The following UGDH variants were observed in gnomAD, a reference collection of about 807,000 sequenced individuals.
UGDH encodes the protein UDP-glucose 6-dehydrogenase.
A neutral mutation model predicts 50.6 loss-of-function variants in UGDH; 38 were observed. The ratio of observed to expected loss-of-function variants is 0.75; its 90% CI spans 0.58 to 0.98. UGDH has a LOEUF of 0.98. Ranked by LOEUF, UGDH falls within the 50% of genes least tolerant of loss-of-function variation. The probability of loss-of-function intolerance (pLI) is 0.00; values close to 1 mark genes in which losing one functional copy is unlikely to be tolerated. For synonymous variants in UGDH, 168 were observed against 199.9 expected, an observed-to-expected ratio of 0.84 and a Z score of 1.35; for missense variants, 465 against 606.2, an observed-to-expected ratio of 0.77 and a Z score of 2.45.
In UGDH at chr4:39,505,279, C is replaced by A; in HGVS notation, c.1129G>T (p.Val377Phe). The change falls in exon 9 of 12, where the codon GTT (valine) becomes TTT (phenylalanine). Residue 377 changes from valine to phenylalanine, a missense_variant. Transcript: ENST00000316423. ...ACACCTGGATGAGAAAGATCCACAACTATTTGTTCCCTAGGTACTTTTGGA... is the reference window on the plus strand; with the variant it reads ...ACACCTGGATGAGAAAGATCCACAAATATTTGTTCCCTAGGTACTTTTGGA... ...YDPKVPREQI[V>F]VDLSHPGVSE... 6.2e-7 allele frequency: 1 copy of A among 1,602,350 alleles called. No individual in the cohort carries two copies. Among genetic ancestry groups the A allele is most frequent in the Non-Finnish European group, 8.5e-7 (1 of 1,176,530 alleles).
intron 1 of UGDH, among the ~76,000 whole-genome samples, chr4:39,525,289 G>C (rs1746829080): frequency 2.0e-5 from 3 of 152,240 alleles, no homozygotes; most frequent in South Asian, 4.1e-4. Context: ...CGTCTCCTGG[G>C]TTCAAGCAAT....
At chr4:39,522,887 C>T (rs539164663) in intron 1 of UGDH, among the ~76,000 whole-genome samples, 6 of 151,678 alleles carry the variant, frequency 4.0e-5, no homozygotes, top group South Asian at 2.1e-4. Flanking sequence ...CTCAGCCTAA[C>T]GAGTAGCTGG....
chr4:39,510,378 G>T lies in UGDH; in HGVS notation c.638C>A (p.Thr213Asn). The T allele has an allele frequency of 6.2e-7, 1 of 1,614,214 alleles. No individual in the cohort carries two copies. The highest frequency in any genetic ancestry group is 1.1e-5 in the South Asian group (1 of 91,080). Residue 213 changes from threonine (T) to asparagine (N), a missense_variant, in exon 5 of 12, where the codon ACT (threonine) becomes AAT (asparagine). Coordinates refer to ENST00000316423, the MANE Select transcript of UGDH (RefSeq NM_003359.4). ...CAGTTTGGAAAGCTCTGAAGACCAAGTATTAGTGGTGAGGATCTTTTCTCT... is the reference window on the plus strand; with the variant it reads ...CAGTTTGGAAAGCTCTGAAGACCAATTATTAGTGGTGAGGATCTTTTCTCT... ...VPREKILTTN[T>N]WSSELSKLAA...
chr4:39,499,531 TAA>T lies in UGDH; in HGVS notation c.*610_*611del, dbSNP rs1745707229. On this transcript the variant is annotated 3_prime_UTR_variant, in exon 12 of 12. Transcript: ENST00000316423. ...TGTGGCCTATGGACAATTTATAAAGTAAAGAGTTTGAAGTTTAATTTTTATTT... is the reference window on the plus strand; with the variant it reads ...TGTGGCCTATGGACAATTTATAAAGTAGAGTTTGAAGTTTAATTTTTATTT... The T allele has an allele frequency of 6.6e-6, 1 of 152,168 alleles. No individual in the cohort carries two copies. 9.4% of individuals were successfully genotyped at this position (152,168 alleles called of 1,614,324 possible). A position where few individuals can be genotyped will look rare whatever the true frequency, so the allele number is the denominator to read the frequency against.
rs777135902 is a variant in UGDH, at chr4:39,499,257, T to C, written c.*886A>G. 5.9e-5 allele frequency: 9 copies of C among 151,968 alleles called. No individual in the cohort carries two copies. Among genetic ancestry groups the C allele is most frequent in the Non-Finnish European group, 1.2e-4 (8 of 67,984 alleles). The allele number at this position is 151,968 out of a possible 1,614,324, so 9.4% of individuals were successfully genotyped here. A position where few individuals can be genotyped will look rare whatever the true frequency, so the allele number is the denominator to read the frequency against. ...GAAAGAAATGCTACTAATTTTCTCT[T>C]CATGATTAAAAAAAAAATCTTTTAA... On this transcript the variant is annotated 3_prime_UTR_variant, in exon 12 of 12. Transcript: ENST00000316423.
intron 1 of UGDH, 66 bp from the exon 2 acceptor site, chr4:39,521,585 C>A: frequency 7.8e-7 from 1 of 1,288,754 alleles, no homozygotes; most frequent in Non-Finnish European, 1.0e-6. Flanking sequence ...TAATATTGTA[C>A]ATTAATTATA....
chr4:39,510,488 G>A lies in UGDH; in HGVS notation c.528C>T (p.Asp176=). The change falls in exon 5 of 12, where the codon GAC becomes GAT. Residue 176 remains aspartate, a synonymous_variant. Coordinates refer to ENST00000316423, the MANE Select transcript of UGDH (RefSeq NM_003359.4). ...TTTCATCCCCTCCAATCAGTACTCT[G>A]TCTGGGTTCTTTAGGTCCTTGATGG... ...GTAIKDLKNP[D]RVLIGGDETP... The A allele has an allele frequency of 1.2e-6, 2 of 1,614,148 alleles. No individual in the cohort carries two copies. The highest frequency in any genetic ancestry group is 2.7e-5 in the African/African-American group (2 of 75,034).
intron 1 of UGDH, among the ~76,000 whole-genome samples, chr4:39,522,539 A>G (rs1189933405): frequency 2.0e-5 from 3 of 152,252 alleles, no homozygotes; most frequent in Non-Finnish European, 4.4e-5. Context: ...GACAAATCAT[A>G]TAATTAAGAT....
chr4:39,502,594 C>T (rs1024045834), intron 11 of UGDH, among the ~76,000 whole-genome samples: 8 of 152,144 alleles, frequency 5.3e-5, no homozygotes, highest in African/African-American at 1.4e-4. Flanking sequence ...CCCCATCCTC[C>T]TATCCCCATA....
intron 2 of UGDH, among the ~76,000 whole-genome samples, chr4:39,514,653 G>A (rs1746375086): frequency 6.6e-6 from 1 of 150,904 alleles, no homozygotes; most frequent in Non-Finnish European, 1.5e-5. Context: ...TTATAGGAGT[G>A]AGCCACCATG....
intron 9 of UGDH, among the ~76,000 whole-genome samples, chr4:39,504,846 AGATAACTGAACCC>A (rs1377430495): frequency 6.6e-6 from 1 of 152,238 alleles, no homozygotes; most frequent in Non-Finnish European, 1.5e-5. Flanking sequence ...AAGTGACCGC[AGATAACTGAACCC>A]GTGGAAAGCA....
Position 39,527,108 on chromosome 4 carries a change from G to A in UGDH, c.-8+175C>T, listed in dbSNP as rs1187541192. On this transcript the variant is annotated intron_variant, in intron 1 of 11. Transcript: ENST00000316423. ...ATCCCCAGGACAGCAGTTCCAAAAT[G>A]CGGTTCCCGCCCTAAGCCCCAAAGA... 4 of 1,289,206 alleles carry A rather than the reference G, an allele frequency of 3.1e-6. No individual in the cohort carries two copies. The Admixed American group carries it at 9.2e-5, about 30-fold the overall frequency. 79.9% of individuals were successfully genotyped at this position (1,289,206 alleles called of 1,614,324 possible).
intron 2 of UGDH, among the ~76,000 whole-genome samples, chr4:39,520,765 CAG>C (rs1746619968): frequency 6.6e-6 from 1 of 151,404 alleles, no homozygotes; most frequent in Non-Finnish European, 1.5e-5. Flanking sequence ...ATGATACTAA[CAG>C]ACAAAATTAG....
intron 1 of UGDH, among the ~76,000 whole-genome samples, chr4:39,525,845 C>A (rs1438621115): frequency 6.6e-6 from 1 of 152,210 alleles, no homozygotes; most frequent in Non-Finnish European, 1.5e-5. Context: ...ACCCTCTGGC[C>A]CTCTATTCTG....
At chr4:39,512,049 C>T (rs894807387) in intron 3 of UGDH, among the ~76,000 whole-genome samples, 1 of 149,738 alleles carries the variant, frequency 6.7e-6, no homozygotes, top group Non-Finnish European at 1.5e-5. Context: ...AAATCATGGG[C>T]CCAGAGTCTA....
intron 2 of UGDH, among the ~76,000 whole-genome samples, chr4:39,519,561 C>T (rs11943400): frequency 0.21 from 32,017 of 151,766 alleles, 5,182 homozygotes; most frequent in African/African-American, 0.43. Flanking sequence ...TATTTTGAGA[C>T]GAAGTCTTGC....
chr4:39,510,736 G>A lies in UGDH; in HGVS notation c.390C>T (p.Ser130=). The A allele has an allele frequency of 1.2e-6, 2 of 1,614,186 alleles. No individual in the cohort carries two copies. The highest frequency in any genetic ancestry group is 2.2e-5 in the South Asian group (2 of 91,084). ...TTTCTGCTGCCCGCACTGGAACTGT[G>A]CTTTTCTCAGTCACAATTTTGTACC... ...SNGYKIVTEK[S]TVPVRAAESI... Residue 130 remains serine (S), a synonymous_variant, in exon 4 of 12, where the codon AGC becomes AGT. Coordinates refer to ENST00000316423, the MANE Select transcript of UGDH (RefSeq NM_003359.4).
chr4:39,520,899 C>A (rs1328960434), intron 2 of UGDH, among the ~76,000 whole-genome samples: 2 of 151,560 alleles, frequency 1.3e-5, no homozygotes, highest in African/African-American at 4.8e-5. Flanking sequence ...CATGGTGAAA[C>A]CCCACCTCTA....
chr4:39,504,638 G>T, intron 9 of UGDH, 130 bp from the exon 10 acceptor site: 1 of 800,874 alleles, frequency 1.2e-6, no homozygotes, highest in African/African-American at 1.7e-5. Context: ...GGAGAGTACT[G>T]AACCCTATAT....
Sources: allele counts gnomAD v4.1 joint callset (sites outside exome capture counted in the v4.1 genomes callset), GRCh38; gene constraint gnomAD v4.1.1; transcripts MANE v1.5; gene names NCBI Gene and HGNC (gene_info 2026-07-23, HGNC 2026-07-21).